ZNF536: variants seen among roughly 807,000 people sequenced by gnomAD.
ZNF536 encodes the protein zinc finger protein 536.
In ZNF536, 13 loss-of-function variants were observed where a neutral mutation model predicts 84.5. The observed-to-expected ratio is 0.15, with a 90% CI of 0.10 to 0.24. The LOEUF (loss-of-function observed/expected upper bound fraction) is 0.24, where lower values mean the gene tolerates loss of function less well. ZNF536 is among the 10% of genes least tolerant of loss of function. ZNF536 has a pLI of 1.00. For synonymous variants in ZNF536, 811 were observed against 742.5 expected, an observed-to-expected ratio of 1.09 and a Z score of -1.50; for missense variants, 1,536 against 1,747.5, an observed-to-expected ratio of 0.88 and a Z score of 2.16.
intron 2 of ZNF536, among the ~76,000 whole-genome samples, chr19:30,484,821 A>G (rs1290891687): frequency 6.6e-6 from 1 of 151,830 alleles, no homozygotes; most frequent in African/African-American, 2.4e-5. Context: ...ATTACTTTGT[A>G]AAGTGCTATA....
At chr19:30,360,893 G>A (rs560401022) in intron 3 of ZNF536, among the ~76,000 whole-genome samples, 139 of 152,212 alleles carry the variant, frequency 9.1e-4, no homozygotes, top group Non-Finnish European at 1.6e-3. Flanking sequence ...CTGCTGCCCT[G>A]TTCGCCAGGG....
rs140287328 is a variant in ZNF536, at chr19:30,273,512, G to A, written c.-189-10560G>A. On this transcript the variant is annotated intron_variant, in intron 1 of 5. Coordinates refer to the ZNF536 transcript ENST00000585628. ...TAGGATGTTGAGTATCTTTTCATAT[G>A]CTTATTTTCTGTCTGTATATCTTCT... Among the ~76,000 whole-genome samples the A allele has an allele frequency of 2.3e-3, 343 of 152,258 alleles. 2 individuals carry two copies. Among genetic ancestry groups the A allele is most frequent in the African/African-American group, 8.1e-3 (335 of 41,542 alleles).
chr19:30,293,009 G>A (rs926313343), intron 2 of ZNF536, among the ~76,000 whole-genome samples: 1 of 152,214 alleles, frequency 6.6e-6, no homozygotes, highest in Non-Finnish European at 1.5e-5. Flanking sequence ...AAGGGAAGCT[G>A]TTGATTGATT....
chr19:30,482,490 A>C (rs1224914270), intron 2 of ZNF536, among the ~76,000 whole-genome samples: 1 of 151,010 alleles, frequency 6.6e-6, no homozygotes, highest in Non-Finnish European at 1.5e-5. Context: ...AGCCTCACAC[A>C]CCTAGGATTT....
chr19:30,256,605 C>T (rs971717815), intron 1 of ZNF536, among the ~76,000 whole-genome samples: 6 of 152,086 alleles, frequency 3.9e-5, no homozygotes, highest in Non-Finnish European at 5.9e-5. Context: ...CGAGTGAGGG[C>T]GAATGGTTGC....
chr19:30,231,804 G>A (rs576070816), intron 1 of ZNF536, among the ~76,000 whole-genome samples: 6 of 150,840 alleles, frequency 4.0e-5, no homozygotes, highest in Non-Finnish European at 8.9e-5. Flanking sequence ...TGGTGGTGAT[G>A]TGTGTGTGTG....
chr19:30,600,533 C>A (rs1057456567), intron 1 of ZNF536, among the ~76,000 whole-genome samples: 1 of 152,222 alleles, frequency 6.6e-6, no homozygotes, highest in Non-Finnish European at 1.5e-5. Flanking sequence ...GGGTTCCAGG[C>A]ACTTCCTCAC....
intron 1 of ZNF536, among the ~76,000 whole-genome samples, chr19:30,396,646 G>A (rs2049834035): frequency 6.9e-6 from 1 of 144,114 alleles, no homozygotes; most frequent in African/African-American, 2.6e-5. Flanking sequence ...CCAGGCTGGA[G>A]TGCCACTGTA....
Position 30,548,320 on chromosome 19 carries a change from G to A in ZNF536, c.2701G>A (p.Gly901Arg), listed in dbSNP as rs762037939. ...PSKSTHFSEI[G>R]RAYQSIVSNG... is the part of the protein sequence containing the mutation. ...CAAAAGCACCCACTTCTCTGAGATC[G>A]GAAGAGCTTATCAAAGCATTGTGAG... The change falls in exon 4 of 5, where the codon GGA (glycine) becomes AGA (arginine). Residue 901 changes from glycine (G) to arginine (R), a missense_variant. By Grantham distance (125) the Gly-to-Arg change is moderately radical. Transcript: ENST00000355537. 32 of 1,614,074 alleles carry A rather than the reference G, an allele frequency of 2.0e-5. No individual in the cohort carries two copies. The highest frequency in any genetic ancestry group is 2.5e-5 in the Non-Finnish European group (30 of 1,180,050).
chr19:30,575,908 G>T (rs563639577), intron 1 of ZNF536, among the ~76,000 whole-genome samples: 10 of 152,298 alleles, frequency 6.6e-5, no homozygotes, highest in Admixed American at 6.5e-4. Flanking sequence ...GGAGGGACGG[G>T]TCACAGAAAT....
At chr19:30,682,747 C>A in intron 1 of ZNF536, among the ~76,000 whole-genome samples, 1 of 152,204 alleles carries the variant, frequency 6.6e-6, no homozygotes, top group South Asian at 2.1e-4. Flanking sequence ...GGCACCCTCT[C>A]TCCCCCAACA....
chr19:30,298,363 C>T (rs1360429001), intron 2 of ZNF536, among the ~76,000 whole-genome samples: 3 of 152,230 alleles, frequency 2.0e-5, no homozygotes, highest in African/African-American at 7.2e-5. Context: ...GCTCACACCC[C>T]ATCACCAGCT....
At chr19:30,403,015 C>G (rs2050118329) in intron 1 of ZNF536, among the ~76,000 whole-genome samples, 1 of 151,866 alleles carries the variant, frequency 6.6e-6, no homozygotes, top group South Asian at 2.1e-4. Flanking sequence ...TTGCCGTGCC[C>G]TGGCCCCCTG....
At chr19:30,335,047 T>C (rs560474561) in intron 2 of ZNF536, among the ~76,000 whole-genome samples, 1 of 151,956 alleles carries the variant, frequency 6.6e-6, no homozygotes, top group African/African-American at 2.4e-5. Flanking sequence ...GGACTGAGGG[T>C]TGGGGGCCCC....
rs556025848 is a variant in ZNF536 at position 30,686,068 on chromosome 19, G to T, written c.170-24689G>T. Reference sequence around the variant, plus strand: ...TCTGAATCCCTGTGCCCAGGAAAGGGCCTGCACAACTTCTTTGCCCCTTCC... The same window carrying T: ...TCTGAATCCCTGTGCCCAGGAAAGGTCCTGCACAACTTCTTTGCCCCTTCC... On this transcript the variant is annotated intron_variant, in intron 1 of 1. Transcript: ENST00000592773. Among the ~76,000 whole-genome samples the T allele has an allele frequency of 4.6e-5, 7 of 152,298 alleles. No homozygotes were observed. The South Asian group carries it at 1.5e-3, about 32-fold the overall frequency.
At chr19:30,453,489 G>A (rs1228000326) in intron 2 of ZNF536, among the ~76,000 whole-genome samples, 1 of 152,228 alleles carries the variant, frequency 6.6e-6, no homozygotes, top group Non-Finnish European at 1.5e-5. Flanking sequence ...CGCCAGCCGG[G>A]ATTGGTCAGT....
intron 2 of ZNF536, among the ~76,000 whole-genome samples, chr19:30,515,877 A>T (rs2055617574): frequency 6.6e-6 from 1 of 151,700 alleles, no homozygotes; most frequent in African/African-American, 2.4e-5. Context: ...AAATGCAAAA[A>T]TTAGCAGGGC....
chr19:30,268,117 T>G (rs1187395702), intron 1 of ZNF536, among the ~76,000 whole-genome samples: 1 of 137,148 alleles, frequency 7.3e-6, no homozygotes, highest in Non-Finnish European at 1.5e-5. Context: ...ATATATTGAC[T>G]TCAGGGCTTC....
intron 1 of ZNF536, among the ~76,000 whole-genome samples, chr19:30,414,329 T>C (rs1193715881): frequency 1.3e-5 from 2 of 152,190 alleles, no homozygotes; most frequent in African/African-American, 4.8e-5. Flanking sequence ...TGAAATTCTT[T>C]CTTTTTTATA....
Sources: gnomAD v4.1 joint callset for allele counts (sites outside exome capture counted in the v4.1 genomes callset) on GRCh38, gnomAD v4.1.1 for gene constraint, MANE v1.5 for transcripts, NCBI Gene and HGNC (gene_info 2026-07-23, HGNC 2026-07-21) for gene names.